KAZALD1: variants seen among roughly 807,000 people sequenced by gnomAD.
KAZALD1 encodes Kazal type serine peptidase inhibitor domain 1.
KAZALD1 carries 31 observed loss-of-function variants against 27.7 expected under a neutral mutation model. The ratio of observed to expected loss-of-function variants is 1.12; its 90% CI spans 0.84 to 1.51. The LOEUF (loss-of-function observed/expected upper bound fraction) is 1.51. Ranked by LOEUF, KAZALD1 falls within the 40% of genes most tolerant of loss-of-function variation. The probability of loss-of-function intolerance (pLI) is 0.00; values close to 1 mark genes in which losing one functional copy is unlikely to be tolerated. For missense variants in KAZALD1, 444 were observed against 408.9 expected (o/e 1.09, Z -0.74); for synonymous variants, 179 against 182.0 (o/e 0.98, Z 0.13).
chr10:101,064,091 A>G (rs1423396746), intron 2 of KAZALD1, 170 bp from the exon 3 acceptor site: 6 of 665,152 alleles, frequency 9.0e-6, no homozygotes, highest in Non-Finnish European at 1.6e-5. Context: ...CAGCATCCAT[A>G]TCTGTGTGTA....
At chr10:101,067,554 G>A, downstream of KAZALD1, 1 of 346,930 alleles carries the variant, frequency 2.9e-6, no homozygotes, top group South Asian at 2.1e-5. Flanking sequence ...ATCTAGAGCA[G>A]GGTGTGAAGA....
intron 4 of KAZALD1, 67 bp from the exon 5 acceptor site, chr10:101,064,759 C>A: frequency 6.3e-7 from 1 of 1,595,554 alleles, no homozygotes; most frequent in Admixed American, 1.7e-5. Context: ...CTTCCGCAGA[C>A]TGGGCTATGT....
chr10:101,066,419 A>C lies in KAZALD1; in HGVS notation c.*1499A>C, dbSNP rs1291420829. The C allele has an allele frequency of 6.6e-6, 3 of 456,588 alleles. No homozygotes were observed. Among genetic ancestry groups the C allele is most frequent in the African/African-American group, 6.0e-5 (3 of 50,092 alleles). 28.3% of individuals were successfully genotyped at this position (456,588 alleles called of 1,614,324 possible). A position where few individuals can be genotyped will look rare whatever the true frequency, so the allele number is the denominator to read the frequency against. ...TACTGCTGGCTTGCCCCGGGTCCTT[A>C]AGCCAGCGACAGTTTTTATTGCCGA... On this transcript the variant is annotated 3_prime_UTR_variant, in exon 5 of 5. Transcript: ENST00000370200.
downstream of KAZALD1, chr10:101,068,099 T>A (rs1228863279): frequency 2.3e-6 from 1 of 434,120 alleles, no homozygotes; most frequent in Non-Finnish European, 4.8e-6. Flanking sequence ...TTTACTTGAC[T>A]GGAAAAATCT....
At position 101,066,684 on chromosome 10, in the gene KAZALD1, A is replaced by G. The variant is rs541646882; in HGVS notation, c.*1764A>G. On this transcript the variant is annotated 3_prime_UTR_variant, in exon 5 of 5. Coordinates refer to ENST00000370200, the MANE Select transcript of KAZALD1 (RefSeq NM_030929.5). ...TTGTTCTTCGCCCAGCTGGGCTCCA[A>G]GACGCCCTCTGCGGGCCCATAGCTC... 6.7e-5 allele frequency: 24 copies of G among 359,746 alleles called. No homozygotes were observed. Among genetic ancestry groups the G allele is most frequent in the South Asian group, 4.1e-4 (20 of 48,884 alleles). The allele number at this position is 359,746 out of a possible 1,614,324, so 22.3% of individuals were successfully genotyped here. A position where few individuals can be genotyped will look rare whatever the true frequency, so the allele number is the denominator to read the frequency against.
In KAZALD1 at chr10:101,062,600, C is replaced by G; in HGVS notation, c.8C>G (p.Pro3Arg). Reference protein sequence around the residue: MLPPPRPAAALAL... With the variant: MLRPPRPAAALAL... ...CAGGGCTTCCCGCTAACCATGCTGC[C>G]GCCGCCGCGGCCCGCAGCTGCCTTG... The change falls in exon 2 of 5, where the codon CCG becomes CGG. Residue 3 changes from proline (P) to arginine (R), a missense_variant. Physicochemically the swap from Pro to Arg is moderately radical, Grantham distance 103. Coordinates refer to ENST00000370200, the MANE Select transcript of KAZALD1 (RefSeq NM_030929.5). 1 of 1,582,042 alleles carries G rather than the reference C, an allele frequency of 6.3e-7. No individual in the cohort carries two copies. The highest frequency in any genetic ancestry group is 8.5e-7 in the Non-Finnish European group (1 of 1,173,326).
In KAZALD1 at chr10:101,063,102, G is replaced by A; in HGVS notation, c.510G>A (p.Ser170=). 1 of 1,538,858 alleles carries A rather than the reference G, an allele frequency of 6.5e-7. No individual in the cohort carries two copies. The highest frequency in any genetic ancestry group is 8.7e-7 in the Non-Finnish European group (1 of 1,145,526). The change falls in exon 2 of 5, where the codon TCG becomes TCA. Residue 170 remains serine, a splice_region_variant and synonymous_variant. Transcript: ENST00000370200. ...LTVAHPGPCE[S]GPQIVSHPYD... ...TGGCACACCCGGGGCCCTGCGAATCGGGTACGCATGGCCCGGGGCCCCCAC... is the reference window on the plus strand; with the variant it reads ...TGGCACACCCGGGGCCCTGCGAATCAGGTACGCATGGCCCGGGGCCCCCAC...
intron 3 of KAZALD1, 28 bp downstream of exon 3, chr10:101,064,449 G>A: frequency 1.9e-6 from 3 of 1,614,072 alleles, no homozygotes; most frequent in Non-Finnish European, 2.5e-6. Flanking sequence ...GCTTCCCTCA[G>A]GCAGCCCAGG....
At position 101,065,267 on chromosome 10, in the gene KAZALD1, C is replaced by G. The variant is rs1368406786; in HGVS notation, c.*347C>G. 4.2e-6 allele frequency: 1 copy of G among 240,062 alleles called. No individual in the cohort carries two copies. The allele number at this position is 240,062 out of a possible 1,614,324, so 14.9% of individuals were successfully genotyped here. The stretch of plus-strand genomic sequence containing the variant: ...CACCAGGATTCTCCACTTCTTCCAG[C>G]CCTGCTGGGCCACAGTTCTAACTGC... On this transcript the variant is annotated 3_prime_UTR_variant, in exon 5 of 5. Coordinates refer to ENST00000370200, the MANE Select transcript of KAZALD1 (RefSeq NM_030929.5).
In KAZALD1 at chr10:101,064,902, G is replaced by A; in HGVS notation, c.897G>A (p.Glu299=). 6.2e-7 allele frequency: 1 copy of A among 1,613,674 alleles called. No homozygotes were observed. Among genetic ancestry groups the A allele is most frequent in the South Asian group, 1.1e-5 (1 of 91,078 alleles). The stretch of plus-strand genomic sequence containing the variant: ...CTGAGGAGGAGGCTGAGAGTGAAGA[G>A]AATGACGATTACTACTAGGTCCAGA... ...LVPEEEAESE[E]NDDYY Residue 299 remains glutamate (E), a synonymous_variant, in exon 5 of 5, where the codon GAG becomes GAA. Transcript: ENST00000370200.
downstream of KAZALD1, chr10:101,067,831 C>T (rs757637362): frequency 2.3e-6 from 1 of 436,504 alleles, no homozygotes; most frequent in Non-Finnish European, 4.8e-6. Context: ...GAGAGATGAA[C>T]CCGACTCAGA....
In KAZALD1 at chr10:101,062,625, G is replaced by C. The variant is rs1939188025; in HGVS notation, c.33G>C (p.Leu11Phe). 1.3e-6 allele frequency: 2 copies of C among 1,578,926 alleles called. No homozygotes were observed. The highest frequency in any genetic ancestry group is 1.7e-6 in the Non-Finnish European group (2 of 1,171,404). The change falls in exon 2 of 5, where the codon TTG becomes TTC. Residue 11 changes from leucine (L) to phenylalanine (F), a missense_variant. Leu to Phe is a conservative substitution (Grantham distance 22, BLOSUM62 0). Transcript: ENST00000370200. ...CGCCGCCGCGGCCCGCAGCTGCCTT[G>C]GCGCTGCCTGTGCTCCTGCTACTGC... is the stretch of plus-strand genomic sequence containing the variant. MLPPPRPAAA[L>F]ALPVLLLLLV...
chr10:101,064,237 C>G, intron 2 of KAZALD1, 24 bp from the exon 3 acceptor site: 1 of 1,613,492 alleles, frequency 6.2e-7, no homozygotes, highest in Non-Finnish European at 8.5e-7. Context: ...ATGCTATTCT[C>G]AGACCTCCCG....
chr10:101,067,642 G>A (rs1457481319), downstream of KAZALD1: 1 of 336,468 alleles, frequency 3.0e-6, no homozygotes. Context: ...CGCTTCGCCC[G>A]GCTGCTCGTC....
downstream of KAZALD1, chr10:101,067,867 G>A (rs1939366165): frequency 1.5e-5 from 7 of 469,196 alleles, no homozygotes; most frequent in South Asian, 9.3e-5. Flanking sequence ...AGACCTTGGG[G>A]ACCGAGGACA....
downstream of KAZALD1, chr10:101,067,918 G>T (rs1414103388): frequency 2.1e-6 from 1 of 471,556 alleles, no homozygotes; most frequent in Non-Finnish European, 4.4e-6. Flanking sequence ...TGGCGCGGGC[G>T]GTGGCGTGCG....
In KAZALD1 at chr10:101,064,275, T is replaced by C. The variant is rs1939253293; in HGVS notation, c.526T>C (p.Ser176Pro). The C allele has an allele frequency of 6.2e-7, 1 of 1,614,008 alleles. No individual in the cohort carries two copies. Among genetic ancestry groups the C allele is most frequent in the African/African-American group, 1.3e-5 (1 of 74,898 alleles). ...TTCACCCCCAGGGCCCCAGATCGTG[T>C]CACATCCATATGACACTTGGAATGT... is the stretch of plus-strand genomic sequence containing the variant. ...GPCESGPQIV[S>P]HPYDTWNVTG... The change falls in exon 3 of 5, where the codon TCA (serine) becomes CCA (proline). Residue 176 changes from serine to proline, a missense_variant. Physicochemically the swap from Ser to Pro is moderately conservative, Grantham distance 74. Coordinates refer to ENST00000370200, the MANE Select transcript of KAZALD1 (RefSeq NM_030929.5).
chr10:101,062,947 G>A lies in KAZALD1; in HGVS notation c.355G>A (p.Gly119Arg), dbSNP rs1939204646. 1 of 1,602,146 alleles carries A rather than the reference G, an allele frequency of 6.2e-7. No individual in the cohort carries two copies. Among genetic ancestry groups the A allele is most frequent in the South Asian group, 1.1e-5 (1 of 90,920 alleles). ...GGACACAGGCGGCGACCTGAGCCGC[G>A]GAGAGGTGCCGGAACCTCTGTGTGC... ...RLDTGGDLSR[G>R]EVPEPLCACR... Residue 119 changes from glycine to arginine, a missense_variant, in exon 2 of 5, where the codon GGA (glycine) becomes AGA (arginine). Transcript: ENST00000370200.
intron 2 of KAZALD1, among the ~76,000 whole-genome samples, chr10:101,063,737 C>T (rs1188791747): frequency 6.6e-6 from 1 of 152,242 alleles, no homozygotes; most frequent in Non-Finnish European, 1.5e-5. Flanking sequence ...CAATTTCCTC[C>T]ACTCCTGCAG....
Sources: gnomAD v4.1 joint callset for allele counts (sites outside exome capture counted in the v4.1 genomes callset) on GRCh38, gnomAD v4.1.1 for gene constraint, MANE v1.5 for transcripts, NCBI Gene and HGNC (gene_info 2026-07-23, HGNC 2026-07-21) for gene names.